Variants in CCNB3 observed in about 807,000 individuals in gnomAD.
The protein encoded by CCNB3 is G2/mitotic-specific cyclin-B3.
CCNB3 carries 12 observed loss-of-function variants against 68.0 expected under a neutral mutation model. The observed-to-expected ratio is 0.18, with a 90% CI of 0.11 to 0.29. The LOEUF is 0.29. Ranked by LOEUF, CCNB3 falls within the 10% of genes least tolerant of loss-of-function variation. The probability of loss-of-function intolerance (pLI) is 1.00; values close to 1 mark genes in which losing one functional copy is unlikely to be tolerated. For missense variants in CCNB3, 904 were observed against 993.1 expected (o/e 0.91, Z 1.21); for synonymous variants, 354 against 388.9 (o/e 0.91, Z 1.06).
At chrX:50,332,872 T>C (rs1209956398) in intron 8 of CCNB3, among the ~76,000 whole-genome samples, 1 of 111,939 alleles carries the variant, frequency 8.9e-6, no homozygotes, top group African/African-American at 3.3e-5. Context: ...CTAAAGCCTG[T>C]AGCTGTCGCT....
At chrX:50,227,423 A>G (rs1268548774) in intron 1 of CCNB3, among the ~76,000 whole-genome samples, 1 of 88,630 alleles carries the variant, frequency 1.1e-5, no homozygotes, top group Non-Finnish European at 2.1e-5. Flanking sequence ...GAATATTTAT[A>G]AATATATACA....
At chrX:50,318,831 T>C (rs1173340315) in intron 8 of CCNB3, among the ~76,000 whole-genome samples, 1 of 111,372 alleles carries the variant, frequency 9.0e-6, no homozygotes, top group Non-Finnish European at 1.9e-5. Flanking sequence ...GCAAACAGTG[T>C]GGTTTAGGCT....
Position 50,285,237 on chromosome X carries a change from G to A in CCNB3, c.74G>A (p.Ser25Asn), listed in dbSNP as rs1377449164. 2 of 1,206,294 alleles carry A rather than the reference G, an allele frequency of 1.7e-6. No homozygotes were observed. The highest frequency in any genetic ancestry group is 1.1e-6 in the Non-Finnish European group (1 of 892,194). ...TCTCAGTCCAGCAAAATTGTGCCCA[G>A]TCATCATGACCCATCTGAAAAGGTT... is the stretch of plus-strand genomic sequence containing the variant. ...KKSQSSKIVP[S>N]HHDPSEKTGE... The change falls in exon 3 of 13, where the codon AGT becomes AAT. Residue 25 changes from serine to asparagine, a missense_variant. Ser to Asn is a conservative substitution (Grantham distance 46). This residue lies in a region of CCNB3 where 619 missense variants were observed against 609.8 expected (regional missense o/e 1.02). Coordinates refer to ENST00000376042, the MANE Select transcript of CCNB3 (RefSeq NM_033031.3).
intron 1 of CCNB3, among the ~76,000 whole-genome samples, chrX:50,215,862 A>G (rs983345433): frequency 6.8e-4 from 71 of 103,748 alleles, no homozygotes; most frequent in African/African-American, 2.5e-3. Flanking sequence ...ATCTTTTCCC[A>G]CTTTTTAATT....
chrX:50,226,892 G>GTA (rs1412026104), intron 1 of CCNB3, among the ~76,000 whole-genome samples: 1 of 49,423 alleles, frequency 2.0e-5, no homozygotes, highest in Non-Finnish European at 3.4e-5. Flanking sequence ...AGAATATATA[G>GTA]TATATATATA....
rs189608273 is a variant in CCNB3, at chrX:50,334,007, G to A, written c.3517-8195G>A. ...ACTTGGAGGGTTAGAAAGGCATATCGAGAGTCAATGTAGATGTTTACAGTC... is the reference window on the plus strand; with the variant it reads ...ACTTGGAGGGTTAGAAAGGCATATCAAGAGTCAATGTAGATGTTTACAGTC... On this transcript the variant is annotated intron_variant, in intron 8 of 12. Transcript: ENST00000376042. Among the ~76,000 whole-genome samples, 433 of 112,102 alleles carry A rather than the reference G, an allele frequency of 3.9e-3. 4 individuals carry two copies. The highest frequency in any genetic ancestry group is 0.013 in the African/African-American group (411 of 30,828).
upstream of CCNB3, among the ~76,000 whole-genome samples, chrX:50,204,309 T>A (rs782570474): frequency 6.3e-5 from 7 of 111,668 alleles, no homozygotes; most frequent in African/African-American, 2.3e-4. Flanking sequence ...AGGGCTTCAG[T>A]TTCTCATTCT....
Position 50,309,293 on chromosome X carries a change from C to G in CCNB3, c.1124C>G (p.Thr375Ser). The change falls in exon 6 of 13, where the codon ACT becomes AGT. Residue 375 changes from threonine to serine, a missense_variant. This residue lies in a region of CCNB3 where 619 missense variants were observed against 609.8 expected (regional missense o/e 1.02). Transcript: ENST00000376042. ...ESLAFKKKPS[T>S]EEAIMMPVIL... ...TTAGCCTTTAAGAAGAAGCCTAGCACTGAGGAGGCAATCATGATGCCAGTA... is the reference window on the plus strand; with the variant it reads ...TTAGCCTTTAAGAAGAAGCCTAGCAGTGAGGAGGCAATCATGATGCCAGTA... 1 of 1,211,497 alleles carries G rather than the reference C, an allele frequency of 8.3e-7. No individual in the cohort carries two copies. Among genetic ancestry groups the G allele is most frequent in the Non-Finnish European group, 1.1e-6 (1 of 895,323 alleles).
intron 6 of CCNB3, 88 bp downstream of exon 6, chrX:50,311,584 GT>G: frequency 1.5e-6 from 1 of 659,802 alleles, no homozygotes; most frequent in Non-Finnish European, 2.2e-6. Context: ...TTTTTTTTTT[GT>G]TTTTGTTTTT....
At chrX:50,325,500 T>C (rs73495661) in intron 8 of CCNB3, among the ~76,000 whole-genome samples, 2,952 of 112,280 alleles carry the variant, frequency 0.026, 94 homozygotes, top group African/African-American at 0.091. Context: ...ATGGTATACA[T>C]AGCTGAGTTC....
chrX:50,294,877 A>G lies in CCNB3; in HGVS notation c.219A>G (p.Gln73=). The G allele has an allele frequency of 1.7e-6, 2 of 1,203,590 alleles. No homozygotes were observed. Among genetic ancestry groups the G allele is most frequent in the East Asian group, 3.0e-5 (1 of 33,771 alleles). The change falls in exon 5 of 13, where the codon CAA becomes CAG. Residue 73 remains glutamine (Q), a synonymous_variant. Coordinates refer to ENST00000376042, the MANE Select transcript of CCNB3 (RefSeq NM_033031.3). ...TTTTTTTGCAGGCTTCTCAATGTCA[A>G]CCTGTCCAGCCCAAGAAAGAAGCCA... ...FEDLTNASQC[Q]PVQPKKEANK... is the part of the protein sequence containing the mutation.
chrX:50,279,864 A>G (rs1199584907), intron 1 of CCNB3, among the ~76,000 whole-genome samples: 2 of 87,608 alleles, frequency 2.3e-5, no homozygotes, highest in Non-Finnish European at 4.2e-5. Context: ...TATATATACT[A>G]TATATAAAAT....
rs1389626638 is a variant in CCNB3, at chrX:50,227,307, A to C, written c.-113+22357A>C. On this transcript the variant is annotated intron_variant, in intron 1 of 12. Transcript: ENST00000376042. ...AAATACATGTACAGAATATATATAA[A>C]TATACATACAGAATATATATAAATA... Among the ~76,000 whole-genome samples, 731 of 85,142 alleles carry C rather than the reference A, an allele frequency of 8.6e-3. 11 individuals are homozygous for C. Among genetic ancestry groups the C allele is most frequent in the African/African-American group, 0.031 (710 of 22,580 alleles). The allele number at this position is 85,142 out of a possible 115,157, so 73.9% of individuals were successfully genotyped here. A position where few individuals can be genotyped will look rare whatever the true frequency, so the allele number is the denominator to read the frequency against.
intron 8 of CCNB3, among the ~76,000 whole-genome samples, chrX:50,334,750 A>G (rs1922767252): frequency 8.9e-6 from 1 of 112,363 alleles, no homozygotes; most frequent in African/African-American, 3.2e-5. Flanking sequence ...GCTGTTGTAG[A>G]GGCCCCCATT....
intron 1 of CCNB3, among the ~76,000 whole-genome samples, chrX:50,225,333 A>G (rs1207757531): frequency 1.8e-5 from 2 of 111,512 alleles, no homozygotes; most frequent in Non-Finnish European, 3.8e-5. Flanking sequence ...TTGAAAGAAG[A>G]CTATTATGGT....
intron 5 of CCNB3, among the ~76,000 whole-genome samples, chrX:50,307,577 G>A (rs7063886): frequency 0.11 from 12,507 of 109,583 alleles, 1,776 homozygotes; most frequent in African/African-American, 0.4. Context: ...TTCTATTCCT[G>A]GATTTGTACA....
chrX:50,204,438 G>T (rs1229912011), upstream of CCNB3: 1 of 108,329 alleles, frequency 9.2e-6, no homozygotes, highest in Non-Finnish European at 1.9e-5. Context: ...TCGCTGGAGC[G>T]CAGAGGCCAC....
upstream of CCNB3, among the ~76,000 whole-genome samples, chrX:50,203,223 C>T (rs1364935805): frequency 5.4e-5 from 6 of 111,662 alleles, no homozygotes; most frequent in African/African-American, 1.3e-4. Context: ...AATACACTCT[C>T]GGTTTGCATT....
intron 1 of CCNB3, among the ~76,000 whole-genome samples, chrX:50,279,204 T>A: frequency 5.4e-4 from 1 of 1,848 alleles, no homozygotes; most frequent in South Asian, 0.091. Flanking sequence ...TATATAAATA[T>A]ATAGAGTATA....
Sources: gnomAD v4.1 joint callset for allele counts (sites outside exome capture counted in the v4.1 genomes callset) on GRCh38, gnomAD v4.1.1 for gene constraint, gnomAD v4.1.1 regional missense constraint, MANE v1.5 for transcripts, NCBI Gene and HGNC (gene_info 2026-07-23, HGNC 2026-07-21) for gene names.